The following NOX4 variants were observed in gnomAD, a reference collection of about 807,000 sequenced individuals.
The protein encoded by NOX4 is kidney oxidase-1.
A neutral mutation model predicts 87.6 loss-of-function variants in NOX4; 69 were observed. The observed-to-expected ratio is 0.79, with a 90% CI of 0.65 to 0.96. The LOEUF is 0.96. Among genes scored for constraint, NOX4 ranks in the 40% least tolerant of loss-of-function variants. NOX4 has a pLI of 0.00. For synonymous variants in NOX4, 275 were observed against 238.2 expected (o/e 1.15, Z -1.42); for missense variants, 680 against 681.5 (o/e 1.00, Z 0.02).
In NOX4 at chr11:89,432,963, T is replaced by C; in HGVS notation, c.476-107A>G. ...ATACTGTGCTGTTCTGTGGGAAGCC[T>C]AATTCAAATCCCACATCTACATGTA... On this transcript the variant is annotated intron_variant, in intron 6 of 17. Transcript: ENST00000263317. 8 of 718,002 alleles carry C rather than the reference T, an allele frequency of 1.1e-5. 1 individual carries two copies. In the South Asian group the frequency reaches 1.3e-4, roughly 12 times the overall value. 44.5% of individuals were successfully genotyped at this position (718,002 alleles called of 1,614,324 possible). A position where few individuals can be genotyped will look rare whatever the true frequency, so the allele number is the denominator to read the frequency against.
intron 4 of NOX4, among the ~76,000 whole-genome samples, chr11:89,445,800 G>C (rs1944677671): frequency 6.6e-6 from 1 of 152,020 alleles, no homozygotes; most frequent in Non-Finnish European, 1.5e-5. Context: ...TATGAGCTTG[G>C]GTTTGGTGTT....
intron 7 of NOX4, among the ~76,000 whole-genome samples, chr11:89,423,936 G>A (rs1279997359): frequency 2.0e-5 from 3 of 151,974 alleles, no homozygotes; most frequent in African/African-American, 4.8e-5. Context: ...GCATGGTGGT[G>A]TGTGTTCGTG....
upstream of NOX4, chr11:89,492,087 T>TATC (rs1173197775): frequency 6.6e-6 from 1 of 152,204 alleles, no homozygotes; most frequent in African/African-American, 2.4e-5. Context: ...CTAGGTTAGG[T>TATC]TCACTCTATT....
At chr11:89,347,747 C>A (rs1946280552) in intron 13 of NOX4, among the ~76,000 whole-genome samples, 1 of 152,110 alleles carries the variant, frequency 6.6e-6, no homozygotes, top group East Asian at 1.9e-4. Context: ...CTCCGAACAC[C>A]CTTAGACATC....
intron 12 of NOX4, among the ~76,000 whole-genome samples, chr11:89,366,275 A>C (rs1460936719): frequency 6.6e-6 from 1 of 152,168 alleles, no homozygotes; most frequent in Admixed American, 6.5e-5. Context: ...TTTTAGGAAC[A>C]GAACAATTCT....
chr11:89,345,503 G>T (rs1946178466), intron 13 of NOX4, among the ~76,000 whole-genome samples: 1 of 152,076 alleles, frequency 6.6e-6, no homozygotes, highest in Non-Finnish European at 1.5e-5. Flanking sequence ...ACATGACCAT[G>T]AGCTTAAACA....
chr11:89,337,391 A>G lies in NOX4; in HGVS notation c.1515+56T>C, dbSNP rs1590954096. ...GGAATTTTCTTCCACCACAGCTCCT[A>G]CAGTAAATCTATTATCAAGAGGCTT... On this transcript the variant is annotated intron_variant, in intron 16 of 17. Transcript: ENST00000263317. 9 of 1,606,058 alleles carry G rather than the reference A, an allele frequency of 5.6e-6. No homozygotes were observed. In the East Asian group the frequency reaches 1.3e-4, roughly 24 times the overall value.
intron 6 of NOX4, among the ~76,000 whole-genome samples, chr11:89,438,904 TAA>T (rs1944317481): frequency 6.1e-5 from 3 of 49,270 alleles, no homozygotes; most frequent in South Asian, 5.9e-4. Flanking sequence ...ATTATATATA[TAA>T]TATATAATAT....
chr11:89,495,136 T>G (rs1032595741), upstream of NOX4, among the ~76,000 whole-genome samples: 2 of 152,036 alleles, frequency 1.3e-5, no homozygotes, highest in Non-Finnish European at 2.9e-5. Flanking sequence ...TTTTTGTTTG[T>G]TTGGTTTTGT....
At chr11:89,521,149 A>G in the NOX4 span, among the ~76,000 whole-genome samples, 1 of 152,156 alleles carries the variant, frequency 6.6e-6, no homozygotes, top group Non-Finnish European at 1.5e-5. Flanking sequence ...TCAAACTCTT[A>G]ATATTGTTTT....
chr11:89,376,568 G>A (rs903258320), intron 11 of NOX4, among the ~76,000 whole-genome samples: 3 of 152,106 alleles, frequency 2.0e-5, no homozygotes, highest in African/African-American at 7.2e-5. Context: ...AATATGTGTA[G>A]TTAAGCACAT....
intron 17 of NOX4, among the ~76,000 whole-genome samples, chr11:89,329,356 G>GAAAAAAAAAAAAAAAAAAAAAAAA (rs377055666): frequency 2.0e-4 from 7 of 34,712 alleles, no homozygotes; most frequent in African/African-American, 2.6e-4. Flanking sequence ...GAAAAAAACT[G>GAAAAAAAAAAAAAAAAAAAAAAAA]AAAAAAAAAA....
chr11:89,344,604 AATAAGCT>A (rs1192691873), intron 13 of NOX4, among the ~76,000 whole-genome samples: 7 of 152,182 alleles, frequency 4.6e-5, no homozygotes, highest in African/African-American at 1.7e-4. Flanking sequence ...AGAAACCTAA[AATAAGCT>A]ATATTAACAA....
At chr11:89,384,654 C>T (rs1298307580) in intron 11 of NOX4, among the ~76,000 whole-genome samples, 1 of 152,108 alleles carries the variant, frequency 6.6e-6, no homozygotes, top group Admixed American at 6.6e-5. Context: ...CTCCCCTTTC[C>T]ATTCCTTAAA....
At chr11:89,413,746 T>C (rs1162333208) in intron 8 of NOX4, among the ~76,000 whole-genome samples, 1 of 152,060 alleles carries the variant, frequency 6.6e-6, no homozygotes, top group Admixed American at 6.6e-5. Flanking sequence ...TCAACAATAA[T>C]GTACATTAAA....
At chr11:89,543,889 G>C in the NOX4 span, among the ~76,000 whole-genome samples, 1 of 151,730 alleles carries the variant, frequency 6.6e-6, no homozygotes, top group African/African-American at 2.4e-5. Context: ...TAATAGTCGA[G>C]GTGACCACTG....
At chr11:89,393,029 A>G (rs1941232198) in intron 11 of NOX4, among the ~76,000 whole-genome samples, 1 of 152,122 alleles carries the variant, frequency 6.6e-6, no homozygotes, top group African/African-American at 2.4e-5. Context: ...AGTGGCCTCT[A>G]AAGTGCTGAA....
chr11:89,358,222 T>A (rs1252319051), intron 12 of NOX4, among the ~76,000 whole-genome samples: 1 of 151,478 alleles, frequency 6.6e-6, no homozygotes, highest in Non-Finnish European at 1.5e-5. Context: ...CTGTCTCTAC[T>A]AAAAATACAA....
At chr11:89,555,132 T>C in the NOX4 span, among the ~76,000 whole-genome samples, 113 of 152,162 alleles carry the variant, frequency 7.4e-4, no homozygotes, top group African/African-American at 2.7e-3. Context: ...CCAGAGGTAA[T>C]TAATTCCATT....
Sources: gnomAD v4.1 joint callset for allele counts (sites outside exome capture counted in the v4.1 genomes callset) on GRCh38, gnomAD v4.1.1 for gene constraint, MANE v1.5 for transcripts, NCBI Gene and HGNC (gene_info 2026-07-23, HGNC 2026-07-21) for gene names.